COG5: variants seen among roughly 807,000 people sequenced by gnomAD.
COG5 encodes component of oligomeric golgi complex 5, also known as conserved oligomeric Golgi complex subunit 5.
In COG5, 86 loss-of-function variants were observed where a neutral mutation model predicts 110.4. That is an observed-to-expected ratio of 0.78 (90% CI 0.65 to 0.93). The LOEUF (loss-of-function observed/expected upper bound fraction) is 0.93. COG5 is among the 40% of genes least tolerant of loss of function. The probability of loss-of-function intolerance (pLI) is 0.00; values close to 1 mark genes in which losing one functional copy is unlikely to be tolerated. For missense variants in COG5, 1,077 were observed against 987.0 expected (o/e 1.09, Z -1.22); for synonymous variants, 360 against 334.6 (o/e 1.08, Z -0.83).
chr7:107,312,989 A>G (rs1808417488), intron 11 of COG5, among the ~76,000 whole-genome samples: 1 of 152,170 alleles, frequency 6.6e-6, no homozygotes, highest in Non-Finnish European at 1.5e-5. Context: ...AATTAGGTGT[A>G]AATCTTCAAA....
chr7:107,224,239 C>A (rs1358365172), intron 19 of COG5, among the ~76,000 whole-genome samples: 1 of 152,176 alleles, frequency 6.6e-6, no homozygotes, highest in Non-Finnish European at 1.5e-5. Context: ...GCTGCAGAGA[C>A]GGCCTTCTTT....
rs754927940 is a variant in COG5, at chr7:107,236,613, CT to C, written c.1927del (p.Arg643GlufsTer3). 1.2e-6 allele frequency: 2 copies of C among 1,614,126 alleles called. No homozygotes were observed. The highest frequency in any genetic ancestry group is 4.5e-5 in the East Asian group (2 of 44,868). On this transcript the variant is annotated frameshift_variant, in exon 18 of 22. Coordinates refer to ENST00000297135, the MANE Select transcript of COG5 (RefSeq NM_006348.5). LOFTEE classifies it high-confidence loss of function. ...YMKELQGFIA[R>X]VMSDYFKHFE... ...GTGTTTAAAATAGTCACTCATAACT[CT>C]GGCAATGAAACCTTGTAGCTCCTTC...
chr7:107,319,841 G>A (rs1244409794), intron 11 of COG5, among the ~76,000 whole-genome samples: 1 of 152,032 alleles, frequency 6.6e-6, no homozygotes, highest in Non-Finnish European at 1.5e-5. Flanking sequence ...TGCTCTTGTA[G>A]GCCCAGCTAC....
At chr7:107,205,867 G>C (rs1004253477) in intron 21 of COG5, among the ~76,000 whole-genome samples, 4 of 152,152 alleles carry the variant, frequency 2.6e-5, no homozygotes, top group Non-Finnish European at 5.9e-5. Context: ...AATCCCTGAA[G>C]GCTGGCTCCA....
rs1372851159 is a variant in COG5 at position 107,264,845 on chromosome 7, A to G, written c.1576-6462T>C. 2.0e-5 allele frequency among the ~76,000 whole-genome samples: 3 copies of G among 152,216 alleles called. No homozygotes were observed. In the East Asian group the frequency reaches 5.8e-4, roughly 29 times the overall value. ...AAGGGAATGGTTGGGTCTATTAGGC[A>G]ATTCACATGATGGAACAAACAATGA... On this transcript the variant is annotated intron_variant, in intron 14 of 21. Transcript: ENST00000297135.
intron 10 of COG5, among the ~76,000 whole-genome samples, chr7:107,339,765 T>C (rs982262336): frequency 6.6e-6 from 1 of 152,112 alleles, no homozygotes; most frequent in African/African-American, 2.4e-5. Context: ...TGTCTCTGAA[T>C]GACTTTTGGG....
At chr7:107,370,184 G>C (rs548197934) in intron 8 of COG5, among the ~76,000 whole-genome samples, 1 of 151,926 alleles carries the variant, frequency 6.6e-6, no homozygotes, top group Admixed American at 6.6e-5. Flanking sequence ...TCATGAATGC[G>C]ACTGTCAATC....
intron 6 of COG5, among the ~76,000 whole-genome samples, chr7:107,477,576 A>C (rs1797066714): frequency 6.6e-6 from 1 of 151,874 alleles, no homozygotes; most frequent in African/African-American, 2.4e-5. Flanking sequence ...TTTAACAAGC[A>C]TTGTTGACCA....
chr7:107,486,956 A>G (rs889691716), intron 6 of COG5, among the ~76,000 whole-genome samples: 24 of 152,184 alleles, frequency 1.6e-4, no homozygotes, highest in Non-Finnish European at 2.9e-5. Context: ...TATGTGCCTA[A>G]GTTATACCAA....
intron 19 of COG5, among the ~76,000 whole-genome samples, chr7:107,226,705 G>A (rs993242058): frequency 1.3e-5 from 2 of 152,014 alleles, no homozygotes; most frequent in African/African-American, 4.8e-5. Flanking sequence ...TGTAGACCAG[G>A]GCTGGATTTG....
At chr7:107,348,372 T>C (rs1055931696) in intron 10 of COG5, among the ~76,000 whole-genome samples, 1 of 152,100 alleles carries the variant, frequency 6.6e-6, no homozygotes, top group African/African-American at 2.4e-5. Context: ...AACTTCATAA[T>C]CTGTTCCTTG....
intron 6 of COG5, among the ~76,000 whole-genome samples, chr7:107,476,268 TAGAA>T (rs980757696): frequency 2.3e-4 from 32 of 140,248 alleles, no homozygotes; most frequent in African/African-American, 7.9e-4. Context: ...TTTTGTATAA[TAGAA>T]AGTTAACTAC....
chr7:107,317,398 G>T (rs189694803), intron 11 of COG5, among the ~76,000 whole-genome samples: 88 of 152,248 alleles, frequency 5.8e-4, no homozygotes, highest in African/African-American at 2.0e-3. Flanking sequence ...GCAAAGCACT[G>T]ATCAGCATTA....
intron 11 of COG5, among the ~76,000 whole-genome samples, chr7:107,299,410 T>C (rs76729351): frequency 0.044 from 6,698 of 152,178 alleles, 211 homozygotes; most frequent in Middle Eastern, 0.095. Flanking sequence ...CAACTTTATC[T>C]GAATAAATTT....
intron 6 of COG5, among the ~76,000 whole-genome samples, chr7:107,455,947 C>T (rs1795641906): frequency 6.6e-6 from 1 of 151,960 alleles, no homozygotes; most frequent in Non-Finnish European, 1.5e-5. Flanking sequence ...ACACGCACCA[C>T]CACACCTGGC....
chr7:107,234,082 G>A (rs950039342), intron 18 of COG5, among the ~76,000 whole-genome samples: 2 of 152,164 alleles, frequency 1.3e-5, no homozygotes, highest in African/African-American at 4.8e-5. Context: ...TGATCCACAG[G>A]ACTGGAGCCA....
intron 5 of COG5, among the ~76,000 whole-genome samples, chr7:107,539,253 TAATGAAACCCA>T (rs1801808868): frequency 6.6e-6 from 1 of 152,148 alleles, no homozygotes. Flanking sequence ...AAGCAACGTA[TAATGAAACCCA>T]GTTTTTTCCT....
At chr7:107,301,005 G>T (rs1807216683) in intron 11 of COG5, among the ~76,000 whole-genome samples, 1 of 152,086 alleles carries the variant, frequency 6.6e-6, no homozygotes, top group Admixed American at 6.6e-5. Context: ...ACACATATCT[G>T]ACAGACTGAA....
At chr7:107,410,689 G>T (rs999765011) in intron 7 of COG5, among the ~76,000 whole-genome samples, 1 of 152,020 alleles carries the variant, frequency 6.6e-6, no homozygotes, top group African/African-American at 2.4e-5. Flanking sequence ...TGATCTGCCC[G>T]CCTTGGCCTC....
Sources: allele counts gnomAD v4.1 joint callset (sites outside exome capture counted in the v4.1 genomes callset), GRCh38; gene constraint gnomAD v4.1.1; transcripts MANE v1.5; gene names NCBI Gene and HGNC (gene_info 2026-07-23, HGNC 2026-07-21).